AOPEP: variants seen among roughly 807,000 people sequenced by gnomAD.
AOPEP encodes the protein aminopeptidase O.
AOPEP carries 77 observed loss-of-function variants against 98.1 expected under a neutral mutation model. The observed-to-expected ratio is 0.78, with a 90% CI of 0.65 to 0.95. The LOEUF (loss-of-function observed/expected upper bound fraction) is 0.95. Among genes scored for constraint, AOPEP ranks in the 40% least tolerant of loss-of-function variants. AOPEP has a pLI of 0.00. For synonymous variants in AOPEP, 346 were observed against 365.3 expected, an observed-to-expected ratio of 0.95 and a Z score of 0.60; for missense variants, 1,024 against 1,024.7, an observed-to-expected ratio of 1.00 and a Z score of 0.01.
Position 94,988,122 on chromosome 9 carries a change from G to A in AOPEP, c.1977+8695G>A, listed in dbSNP as rs541640661. 2.0e-4 allele frequency among the ~76,000 whole-genome samples: 31 copies of A among 152,262 alleles called. 1 individual carries two copies. Among genetic ancestry groups the A allele is most frequent in the Admixed American group, 9.8e-4 (15 of 15,300 alleles). ...GGTCCAGAAGCTCTTCATTTACATG[G>A]ATACTTCTAAAAACAGCATTAAGTA... On this transcript the variant is annotated intron_variant, in intron 11 of 16. Transcript: ENST00000375315.
chr9:94,783,656 C>T (rs1013621514), intron 3 of AOPEP, among the ~76,000 whole-genome samples: 4 of 151,860 alleles, frequency 2.6e-5, no homozygotes, highest in African/African-American at 9.7e-5. Context: ...CTCTCCTTTT[C>T]GTGAATGTAT....
intron 13 of AOPEP, among the ~76,000 whole-genome samples, chr9:95,054,659 A>G (rs890661172): frequency 6.6e-6 from 1 of 152,224 alleles, no homozygotes; most frequent in Non-Finnish European, 1.5e-5. Flanking sequence ...CAAGCAAACC[A>G]TGGCTCAAAG....
rs570745271 is a variant in AOPEP at position 94,752,239 on chromosome 9, T to C, written c.-135-7410T>C. On this transcript the variant is annotated intron_variant, in intron 1 of 16. Transcript: ENST00000375315. ...ATTGTGGGTCTGGACCATTAAGTGG[T>C]ATATCATAGTCTGTGGGCTTCTGGC... Among the ~76,000 whole-genome samples the C allele has an allele frequency of 9.2e-5, 14 of 152,200 alleles. No individual in the cohort carries two copies. In the South Asian group the frequency reaches 2.7e-3, roughly 29 times the overall value.
intron 5 of AOPEP, among the ~76,000 whole-genome samples, chr9:94,884,513 G>C (rs1216964474): frequency 6.6e-6 from 1 of 152,176 alleles, no homozygotes; most frequent in Non-Finnish European, 1.5e-5. Flanking sequence ...TAAAGAGGCT[G>C]TACAGCACAG....
At chr9:95,120,707 C>T in the AOPEP span, among the ~76,000 whole-genome samples, 2 of 152,198 alleles carry the variant, frequency 1.3e-5, no homozygotes, top group African/African-American at 4.8e-5. Flanking sequence ...GGATTACAGG[C>T]ATGAGCCGCC....
chr9:94,841,881 G>A (rs377581658), intron 5 of AOPEP, among the ~76,000 whole-genome samples: 1 of 152,012 alleles, frequency 6.6e-6, no homozygotes, highest in African/African-American at 2.4e-5. Context: ...GCGAGACCCT[G>A]TCTCTACAAA....
intron 5 of AOPEP, among the ~76,000 whole-genome samples, chr9:94,805,502 T>A (rs55737548): frequency 0.011 from 1,714 of 151,442 alleles, 18 homozygotes; most frequent in South Asian, 0.047. Flanking sequence ...TTTTTTTTTT[T>A]AAAAAAAGCA....
intron 13 of AOPEP, among the ~76,000 whole-genome samples, chr9:95,012,786 C>T (rs2062635062): frequency 6.6e-6 from 1 of 152,006 alleles, no homozygotes; most frequent in Non-Finnish European, 1.5e-5. Context: ...AAGGCCTGGC[C>T]ACATGCAGCC....
chr9:94,956,498 G>A (rs1003178886), intron 9 of AOPEP, among the ~76,000 whole-genome samples: 6 of 152,124 alleles, frequency 3.9e-5, no homozygotes, highest in Admixed American at 6.5e-5. Context: ...TCCACTCTAC[G>A]TATATGCCCA....
intron 3 of AOPEP, among the ~76,000 whole-genome samples, chr9:94,783,190 C>CTAT (rs1239389009): frequency 6.6e-6 from 1 of 152,180 alleles, no homozygotes; most frequent in African/African-American, 2.4e-5. Context: ...TCCCGTTAGC[C>CTAT]AACAAGGAAA....
At chr9:95,005,306 C>A (rs1388120651) in intron 12 of AOPEP, 86 bp downstream of exon 12, 5 of 787,544 alleles carry the variant, frequency 6.3e-6, no homozygotes, top group Non-Finnish European at 8.2e-6. Flanking sequence ...TGCGCTGCGG[C>A]GCGCGGGTGC....
At chr9:95,144,817 C>A in the AOPEP span, among the ~76,000 whole-genome samples, 1 of 152,254 alleles carries the variant, frequency 6.6e-6, no homozygotes, top group South Asian at 2.1e-4. Context: ...TGCTCCATTG[C>A]GGGTGTTGGG....
At chr9:95,076,973 G>C (rs899223867) in intron 14 of AOPEP, among the ~76,000 whole-genome samples, 3 of 151,004 alleles carry the variant, frequency 2.0e-5, no homozygotes, top group African/African-American at 7.4e-5. Context: ...CAGATTTAAA[G>C]TTCAGATCTC....
the AOPEP span, among the ~76,000 whole-genome samples, chr9:95,128,720 T>C: frequency 6.6e-6 from 1 of 152,196 alleles, no homozygotes; most frequent in Non-Finnish European, 1.5e-5. Flanking sequence ...CTGTGTGGAA[T>C]CTGCTTGTTC....
chr9:95,141,521 GA>G, the AOPEP span, among the ~76,000 whole-genome samples: 1 of 151,878 alleles, frequency 6.6e-6, no homozygotes, highest in Non-Finnish European at 1.5e-5. Flanking sequence ...TATCTAAGTT[GA>G]AAAAAACATA....
chr9:94,834,714 A>G (rs965172591), intron 5 of AOPEP, among the ~76,000 whole-genome samples: 1 of 152,046 alleles, frequency 6.6e-6, no homozygotes, highest in Non-Finnish European at 1.5e-5. Flanking sequence ...AATCGCTTGA[A>G]CCTGGGAGGC....
At chr9:95,058,851 G>C (rs1468527266) in intron 13 of AOPEP, among the ~76,000 whole-genome samples, 1 of 152,200 alleles carries the variant, frequency 6.6e-6, no homozygotes, top group Non-Finnish European at 1.5e-5. Flanking sequence ...TGAAGGCCCA[G>C]CCTCCTGCAG....
chr9:94,813,839 C>A (rs1002055298), intron 5 of AOPEP, among the ~76,000 whole-genome samples: 1 of 152,214 alleles, frequency 6.6e-6, no homozygotes, highest in Non-Finnish European at 1.5e-5. Context: ...TTCTGCTCCC[C>A]ATAGGATGCA....
chr9:94,728,167 G>C (rs1388100200), intron 1 of AOPEP, among the ~76,000 whole-genome samples: 1 of 151,852 alleles, frequency 6.6e-6, no homozygotes, highest in Non-Finnish European at 1.5e-5. Flanking sequence ...TTAATACTGT[G>C]TTAAGTTCCC....
Sources: allele counts gnomAD v4.1 joint callset (sites outside exome capture counted in the v4.1 genomes callset), GRCh38; gene constraint gnomAD v4.1.1; transcripts MANE v1.5; gene names NCBI Gene and HGNC (gene_info 2026-07-23, HGNC 2026-07-21).